Variants in ATRNL1 observed in about 807,000 individuals in gnomAD.
ATRNL1 encodes the protein attractin like 1, also known as attractin-like protein 1.
A neutral mutation model predicts 182.7 loss-of-function variants in ATRNL1; 95 were observed. That is an observed-to-expected ratio of 0.52 (90% CI 0.44 to 0.62). The LOEUF (loss-of-function observed/expected upper bound fraction) is 0.62, where lower values mean the gene tolerates loss of function less well. Among genes scored for constraint, ATRNL1 ranks in the 20% least tolerant of loss-of-function variants. The pLI is 0.00. For missense variants in ATRNL1, 1,471 were observed against 1,679.5 expected, an observed-to-expected ratio of 0.88 and a Z score of 2.17; for synonymous variants, 576 against 568.3, an observed-to-expected ratio of 1.01 and a Z score of -0.19.
At chr10:115,435,660 C>T (rs17093083) in intron 21 of ATRNL1, among the ~76,000 whole-genome samples, 11,588 of 152,150 alleles carry the variant, frequency 0.076, 1,440 homozygotes, top group African/African-American at 0.26. Flanking sequence ...TTATGGCTTT[C>T]GCATTTACTA....
At chr10:115,466,590 A>C (rs12416148) in intron 22 of ATRNL1, among the ~76,000 whole-genome samples, 4,957 of 151,396 alleles carry the variant, frequency 0.033, 214 homozygotes, top group East Asian at 0.15. Context: ...AGCGGGTTGA[A>C]TGGCATAAAA....
intron 5 of ATRNL1, among the ~76,000 whole-genome samples, chr10:115,132,535 A>G (rs1845300403): frequency 6.6e-6 from 1 of 152,148 alleles, no homozygotes; most frequent in African/African-American, 2.4e-5. Context: ...GAACTAGTTT[A>G]CAGTCCCACC....
At position 115,334,295 on chromosome 10, in the gene ATRNL1, T is replaced by C; in HGVS notation, c.3051T>C (p.Asn1017=). Residue 1017 remains asparagine (N), a synonymous_variant, in exon 19 of 29, where the codon AAT becomes AAC. Transcript: ENST00000355044. The stretch of plus-strand genomic sequence containing the variant: ...TGTTTCCTTTAGCTTGCCAGTGTAA[T>C]GGACATAGCACTTGCATCAATAATA... ...SFIQCPACQC[N]GHSTCINNNV... 1 of 1,556,872 alleles carries C rather than the reference T, an allele frequency of 6.4e-7. No homozygotes were observed. The highest frequency in any genetic ancestry group is 8.7e-7 in the Non-Finnish European group (1 of 1,143,292).
chr10:115,430,045 TG>T (rs1846083454), intron 21 of ATRNL1, among the ~76,000 whole-genome samples: 1 of 152,192 alleles, frequency 6.6e-6, no homozygotes, highest in African/African-American at 2.4e-5. Flanking sequence ...CACTCCAGCC[TG>T]GGTGGCAGAG....
Position 115,944,930 on chromosome 10 carries a change from C to A in ATRNL1, c.*151C>A. The A allele has an allele frequency of 1.1e-6, 1 of 878,632 alleles. No homozygotes were observed. Among genetic ancestry groups the A allele is most frequent in the Non-Finnish European group, 1.6e-6 (1 of 630,702 alleles). The allele number at this position is 878,632 out of a possible 1,614,324, so 54.4% of individuals were successfully genotyped here. A position where few individuals can be genotyped will look rare whatever the true frequency, so the allele number is the denominator to read the frequency against. Reference sequence around the variant, plus strand: ...TCCAAATGGACAATGACCCAGGTGGCCAAAGAATGTTCATGAGTTTTATAA... The same window carrying A: ...TCCAAATGGACAATGACCCAGGTGGACAAAGAATGTTCATGAGTTTTATAA... On this transcript the variant is annotated 3_prime_UTR_variant, in exon 29 of 29. Transcript: ENST00000355044.
rs538367239 is a variant in ATRNL1 at position 115,295,530 on chromosome 10, C to G, written c.2416-4504C>G. Among the ~76,000 whole-genome samples the G allele has an allele frequency of 1.6e-4, 24 of 152,224 alleles. No individual in the cohort carries two copies. The South Asian group carries it at 4.6e-3, about 29-fold the overall frequency. On this transcript the variant is annotated intron_variant, in intron 15 of 28. Transcript: ENST00000355044. ...TGATTGCCAGTGCAAGGCTTTTAGGCAGGCCAAGGGCCTGCCTGGAGAGGT... is the reference window on the plus strand; with the variant it reads ...TGATTGCCAGTGCAAGGCTTTTAGGGAGGCCAAGGGCCTGCCTGGAGAGGT...
At chr10:115,912,419 TG>T (rs1565481432) in intron 28 of ATRNL1, among the ~76,000 whole-genome samples, 4 of 12,924 alleles carry the variant, frequency 3.1e-4, no homozygotes. Context: ...TATATATTTG[TG>T]TGTGTGTGTG....
rs925523321 is a variant in ATRNL1 at position 115,597,827 on chromosome 10, G to A, written c.3795+48291G>A. The A allele has an allele frequency of 3.3e-5, 10 of 299,728 alleles. 1 individual carries two copies. The highest frequency in any genetic ancestry group is 1.5e-4 in the Admixed American group (3 of 20,462). The allele number at this position is 299,728 out of a possible 1,614,324, so 18.6% of individuals were successfully genotyped here. On this transcript the variant is annotated intron_variant, in intron 26 of 28. Transcript: ENST00000355044. ...TGGGATTACAGGCGTGAGCCACCGC[G>A]CCGGGCCTCTATGTGAACTCTTTAA...
chr10:115,414,706 A>G (rs1845304709), intron 20 of ATRNL1, among the ~76,000 whole-genome samples: 1 of 151,656 alleles, frequency 6.6e-6, no homozygotes, highest in Admixed American at 6.6e-5. Context: ...GTTTCTGTCT[A>G]TGTGCGTATC....
At chr10:115,826,578 G>A (rs1950438243) in intron 27 of ATRNL1, among the ~76,000 whole-genome samples, 1 of 152,132 alleles carries the variant, frequency 6.6e-6, no homozygotes, top group Admixed American at 6.5e-5. Flanking sequence ...TGCTCCCACA[G>A]TTCAGCAAAT....
intron 27 of ATRNL1, among the ~76,000 whole-genome samples, chr10:115,814,403 G>C (rs149387400): frequency 6.6e-6 from 1 of 151,982 alleles, no homozygotes; most frequent in African/African-American, 2.4e-5. Context: ...TATTCCAGTG[G>C]TTCCTTTAAT....
intron 25 of ATRNL1, among the ~76,000 whole-genome samples, chr10:115,546,189 A>C (rs1592829791): frequency 6.6e-6 from 1 of 152,234 alleles, no homozygotes; most frequent in Middle Eastern, 3.4e-3. Context: ...CACAGTTCTT[A>C]AGGGTATGAT....
chr10:115,914,606 A>G (rs1425589416), intron 28 of ATRNL1, among the ~76,000 whole-genome samples: 1 of 152,148 alleles, frequency 6.6e-6, no homozygotes, highest in Non-Finnish European at 1.5e-5. Flanking sequence ...CCTTCCTGTC[A>G]CTTCATTGCC....
chr10:115,879,753 CT>C (rs1951784904), intron 28 of ATRNL1, among the ~76,000 whole-genome samples: 1 of 152,132 alleles, frequency 6.6e-6, no homozygotes, highest in African/African-American at 2.4e-5. Context: ...ACTAGAGATT[CT>C]GGTCCAACTG....
At chr10:115,793,788 CTGAT>C (rs1949586066) in intron 27 of ATRNL1, among the ~76,000 whole-genome samples, 1 of 152,094 alleles carries the variant, frequency 6.6e-6, no homozygotes, top group African/African-American at 2.4e-5. Context: ...TGAGGAATGA[CTGAT>C]TGATAATCCC....
chr10:115,269,426 C>T (rs1350641734), intron 13 of ATRNL1, among the ~76,000 whole-genome samples: 1 of 152,098 alleles, frequency 6.6e-6, no homozygotes, highest in Admixed American at 6.6e-5. Flanking sequence ...CCTCCACCTC[C>T]TGGGTTCAAG....
intron 19 of ATRNL1, among the ~76,000 whole-genome samples, chr10:115,365,186 C>A (rs1856965513): frequency 6.6e-6 from 1 of 152,146 alleles, no homozygotes; most frequent in Non-Finnish European, 1.5e-5. Flanking sequence ...TGAGTATTGC[C>A]ACAATTTCAG....
chr10:115,200,384 C>T (rs1171190778), intron 8 of ATRNL1, among the ~76,000 whole-genome samples: 12 of 113,796 alleles, frequency 1.1e-4, no homozygotes, highest in African/African-American at 3.7e-4. Flanking sequence ...CCCCTCCCCC[C>T]ACCCCACAAC....
At chr10:115,326,764 C>T (rs1854910065) in intron 18 of ATRNL1, among the ~76,000 whole-genome samples, 1 of 152,104 alleles carries the variant, frequency 6.6e-6, no homozygotes, top group Non-Finnish European at 1.5e-5. Flanking sequence ...GAACAGAGCC[C>T]TCAGAAATAA....
Sources: gnomAD v4.1 joint callset for allele counts (sites outside exome capture counted in the v4.1 genomes callset) on GRCh38, gnomAD v4.1.1 for gene constraint, MANE v1.5 for transcripts, NCBI Gene and HGNC (gene_info 2026-07-23, HGNC 2026-07-21) for gene names.